Variants in RBMS3 observed in about 807,000 individuals in gnomAD.
RBMS3 encodes RNA-binding motif, single-stranded-interacting protein 3.
Under a neutral mutation model 66.8 loss-of-function variants are expected in RBMS3, and 27 were observed. The observed-to-expected ratio is 0.40, with a 90% CI of 0.30 to 0.56. The LOEUF (loss-of-function observed/expected upper bound fraction) is 0.56, where lower values mean the gene tolerates loss of function less well. RBMS3 is among the 20% of genes least tolerant of loss of function. The probability of loss-of-function intolerance (pLI) is 0.40; values close to 1 mark genes in which losing one functional copy is unlikely to be tolerated. For missense variants in RBMS3, 513 were observed against 549.5 expected, an observed-to-expected ratio of 0.93 and a Z score of 0.66; for synonymous variants, 188 against 183.0, an observed-to-expected ratio of 1.03 and a Z score of -0.22.
chr3:29,520,810 T>C (rs1408000237), intron 3 of RBMS3, among the ~76,000 whole-genome samples: 1 of 152,174 alleles, frequency 6.6e-6, no homozygotes, highest in Admixed American at 6.5e-5. Context: ...CTTTGGTGTT[T>C]CATTCTATTC....
chr3:29,524,204 G>A (rs754562120), intron 3 of RBMS3, among the ~76,000 whole-genome samples: 5 of 151,278 alleles, frequency 3.3e-5, no homozygotes, highest in Non-Finnish European at 7.4e-5. Flanking sequence ...GTAAGTCGCA[G>A]AAAGGGGATT....
chr3:29,809,096 AAC>A, intron 6 of RBMS3, among the ~76,000 whole-genome samples: 1 of 152,106 alleles, frequency 6.6e-6, no homozygotes, highest in South Asian at 2.1e-4. Context: ...TTTATTTCAT[AAC>A]AGTCAATGGA....
intron 1 of RBMS3, among the ~76,000 whole-genome samples, chr3:29,394,819 A>G (rs1465732624): frequency 6.6e-6 from 1 of 152,132 alleles, no homozygotes; most frequent in Non-Finnish European, 1.5e-5. Context: ...TTTCTGGTTC[A>G]GACTGCTTCA....
chr3:29,420,624 G>GT (rs34773958), intron 1 of RBMS3, among the ~76,000 whole-genome samples: 19,346 of 148,130 alleles, frequency 0.13, 1,399 homozygotes, highest in African/African-American at 0.2. Context: ...CTTTTCCCTT[G>GT]TTTTTTTTTT....
chr3:29,573,073 A>G (rs961034574), intron 3 of RBMS3, among the ~76,000 whole-genome samples: 3 of 152,152 alleles, frequency 2.0e-5, no homozygotes, highest in Non-Finnish European at 2.9e-5. Context: ...AGTAGCCATT[A>G]ATGATCCTTT....
chr3:29,514,374 C>T (rs1468806908), intron 3 of RBMS3, among the ~76,000 whole-genome samples: 2 of 152,068 alleles, frequency 1.3e-5, no homozygotes, highest in African/African-American at 2.4e-5. Flanking sequence ...GCTTTCTTGA[C>T]AAGAATGATT....
intron 5 of RBMS3, among the ~76,000 whole-genome samples, chr3:29,751,178 A>G (rs1339396167): frequency 6.6e-6 from 1 of 152,214 alleles, no homozygotes; most frequent in Non-Finnish European, 1.5e-5. Context: ...AAAAGTAAAC[A>G]AATCTTTTAC....
chr3:29,707,350 C>T (rs905196452), intron 4 of RBMS3, among the ~76,000 whole-genome samples: 1 of 152,142 alleles, frequency 6.6e-6, no homozygotes, highest in African/African-American at 2.4e-5. Flanking sequence ...GGTTAATAAA[C>T]ACATTCATCG....
At chr3:29,790,938 A>AG (rs2149426508) in intron 6 of RBMS3, among the ~76,000 whole-genome samples, 1 of 152,282 alleles carries the variant, frequency 6.6e-6, no homozygotes, top group South Asian at 2.1e-4. Context: ...TGCACTCTGC[A>AG]GACCCATTCT....
rs2055338450 is a variant in RBMS3 at position 29,754,917 on chromosome 3, C to G, written c.558-7993C>G. 2.6e-5 allele frequency among the ~76,000 whole-genome samples: 4 copies of G among 152,130 alleles called. No homozygotes were observed. In the South Asian group the frequency reaches 8.3e-4, roughly 32 times the overall value. ...CTTAAACAATTGCCCCCAGTCATGGCTACTCAGGGGAGAGACAGCCATGAC... is the reference window on the plus strand; with the variant it reads ...CTTAAACAATTGCCCCCAGTCATGGGTACTCAGGGGAGAGACAGCCATGAC... On this transcript the variant is annotated intron_variant, in intron 5 of 14. Coordinates refer to ENST00000383767, the MANE Select transcript of RBMS3 (RefSeq NM_001003793.3).
At chr3:29,346,724 G>C (rs1284730977) in intron 1 of RBMS3, among the ~76,000 whole-genome samples, 2 of 152,018 alleles carry the variant, frequency 1.3e-5, no homozygotes, top group African/African-American at 4.8e-5. Flanking sequence ...CAGAAAACCT[G>C]AACTATCATG....
chr3:29,471,063 A>G (rs2042708876), intron 2 of RBMS3, among the ~76,000 whole-genome samples: 1 of 152,200 alleles, frequency 6.6e-6, no homozygotes, highest in Non-Finnish European at 1.5e-5. Flanking sequence ...CAGGTATGGA[A>G]AGTGTTAACG....
intron 10 of RBMS3, among the ~76,000 whole-genome samples, chr3:29,900,334 A>C (rs1363398277): frequency 6.6e-6 from 1 of 151,766 alleles, no homozygotes; most frequent in Non-Finnish European, 1.5e-5. Context: ...ATGTTAATTA[A>C]CTATAGCAGT....
rs1204857577 is a variant in RBMS3 at position 30,005,748 on chromosome 3, T to TTTAA, written c.*1889_*1892dup. The TTTAA allele has an allele frequency of 5.3e-5, 8 of 151,850 alleles. No individual in the cohort carries two copies. The highest frequency in any genetic ancestry group is 1.9e-4 in the African/African-American group (8 of 41,406). The allele number at this position is 151,850 out of a possible 1,614,324, so 9.4% of individuals were successfully genotyped here. A position where few individuals can be genotyped will look rare whatever the true frequency, so the allele number is the denominator to read the frequency against. ...TTGCCGAAAGAACTTTTTCTTTCAG[T>TTTAA]TTAATTCTTTGAGGCATGTAGGACC... is the stretch of plus-strand genomic sequence containing the variant. On this transcript the variant is annotated 3_prime_UTR_variant, in exon 15 of 15. Transcript: ENST00000383767.
chr3:29,639,281 A>G (rs2049594481), intron 4 of RBMS3, among the ~76,000 whole-genome samples: 1 of 151,908 alleles, frequency 6.6e-6, no homozygotes, highest in Non-Finnish European at 1.5e-5. Context: ...GGAGATGATC[A>G]TATACAGGAA....
Position 29,637,641 on chromosome 3 carries a change from C to T in RBMS3, c.399+50436C>T, listed in dbSNP as rs191125485. ...CATCAGGCAAGTTTAAGAAGCACCT[C>T]TCTTGCATGTACAGGCAGCTTAATG... On this transcript the variant is annotated intron_variant, in intron 4 of 14. Coordinates refer to ENST00000383767, the MANE Select transcript of RBMS3 (RefSeq NM_001003793.3). 2.0e-5 allele frequency among the ~76,000 whole-genome samples: 3 copies of T among 151,846 alleles called. 1 individual carries two copies. In the South Asian group the frequency reaches 6.2e-4, roughly 31 times the overall value.
chr3:29,679,644 A>G (rs1466361922), intron 4 of RBMS3, among the ~76,000 whole-genome samples: 1 of 152,076 alleles, frequency 6.6e-6, no homozygotes, highest in Non-Finnish European at 1.5e-5. Flanking sequence ...TAGCCGTATT[A>G]TATCATCCTA....
chr3:29,697,496 G>C (rs942833445), intron 4 of RBMS3, among the ~76,000 whole-genome samples: 1 of 152,200 alleles, frequency 6.6e-6, no homozygotes, highest in Non-Finnish European at 1.5e-5. Context: ...CCCATGAACT[G>C]ACAGGAGTTT....
chr3:29,695,624 C>G (rs1327790735), intron 4 of RBMS3, among the ~76,000 whole-genome samples: 1 of 152,032 alleles, frequency 6.6e-6, no homozygotes, highest in Non-Finnish European at 1.5e-5. Flanking sequence ...CCTCATTTAA[C>G]AATTTCATGT....
Sources: allele counts gnomAD v4.1 joint callset (sites outside exome capture counted in the v4.1 genomes callset), GRCh38; gene constraint gnomAD v4.1.1; transcripts MANE v1.5; gene names NCBI Gene and HGNC (gene_info 2026-07-23, HGNC 2026-07-21).